Variants in EXOC6B observed in about 807,000 individuals in gnomAD.
EXOC6B encodes the protein SEC15 homolog B.
Under a neutral mutation model 113.5 loss-of-function variants are expected in EXOC6B, and 54 were observed. The ratio of observed to expected loss-of-function variants is 0.48; its 90% CI spans 0.38 to 0.60. EXOC6B has a LOEUF of 0.60. EXOC6B is among the 20% of genes least tolerant of loss of function. The probability of loss-of-function intolerance (pLI) is 0.00; values close to 1 mark genes in which losing one functional copy is unlikely to be tolerated. For missense variants in EXOC6B, 797 were observed against 977.5 expected, an observed-to-expected ratio of 0.82 and a Z score of 2.46; for synonymous variants, 357 against 339.0, an observed-to-expected ratio of 1.05 and a Z score of -0.58.
At chr2:72,614,070 T>C (rs1271581796) in intron 6 of EXOC6B, among the ~76,000 whole-genome samples, 1 of 152,178 alleles carries the variant, frequency 6.6e-6, no homozygotes, top group Non-Finnish European at 1.5e-5. Context: ...ATATGATCTG[T>C]AAAGTCTAAA....
intron 7 of EXOC6B, among the ~76,000 whole-genome samples, chr2:72,566,654 G>A (rs761037812): frequency 6.6e-5 from 10 of 152,012 alleles, no homozygotes; most frequent in Non-Finnish European, 8.8e-5. Context: ...AAATATATGA[G>A]TTCCATTTGC....
intron 18 of EXOC6B, among the ~76,000 whole-genome samples, chr2:72,416,654 C>T (rs1694544723): frequency 6.6e-6 from 1 of 152,108 alleles, no homozygotes; most frequent in Non-Finnish European, 1.5e-5. Flanking sequence ...GTTTACTGTT[C>T]TCTGAGGCTG....
chr2:72,223,953 G>T (rs992802085), intron 20 of EXOC6B, among the ~76,000 whole-genome samples: 3 of 152,086 alleles, frequency 2.0e-5, no homozygotes, highest in Non-Finnish European at 2.9e-5. Context: ...TATCACAATG[G>T]TCTTATGTTT....
intron 20 of EXOC6B, among the ~76,000 whole-genome samples, chr2:72,188,367 G>A (rs913113607): frequency 1.3e-5 from 2 of 152,216 alleles, no homozygotes; most frequent in Non-Finnish European, 1.5e-5. Context: ...TACAGTCATG[G>A]AAGCTACATA....
At chr2:72,300,133 C>G (rs1686416636) in intron 20 of EXOC6B, among the ~76,000 whole-genome samples, 1 of 152,192 alleles carries the variant, frequency 6.6e-6, no homozygotes, top group East Asian at 1.9e-4. Flanking sequence ...GGCGCCCCTT[C>G]TCCCAGGTGC....
At chr2:72,370,324 A>C (rs1329256389) in intron 19 of EXOC6B, among the ~76,000 whole-genome samples, 1 of 152,188 alleles carries the variant, frequency 6.6e-6, no homozygotes, top group African/African-American at 2.4e-5. Flanking sequence ...ACCATCTCAC[A>C]CCAGTTAGAA....
intron 1 of EXOC6B, among the ~76,000 whole-genome samples, chr2:72,769,913 T>C (rs895686935): frequency 1.3e-5 from 2 of 152,072 alleles, no homozygotes; most frequent in Non-Finnish European, 2.9e-5. Flanking sequence ...AACCAGCAAG[T>C]ATCAGACTTC....
chr2:72,315,741 C>A (rs190751202), intron 20 of EXOC6B, among the ~76,000 whole-genome samples: 12 of 152,018 alleles, frequency 7.9e-5, no homozygotes, highest in African/African-American at 2.9e-4. Flanking sequence ...AGTAGAATTG[C>A]CATTAATTGA....
chr2:72,457,674 T>C (rs1004708261), intron 18 of EXOC6B, among the ~76,000 whole-genome samples: 3 of 152,098 alleles, frequency 2.0e-5, no homozygotes, highest in Non-Finnish European at 4.4e-5. Flanking sequence ...TAACTGTGTA[T>C]GCAATTGTAA....
chr2:72,473,906 G>A (rs1698561380), intron 17 of EXOC6B, among the ~76,000 whole-genome samples: 1 of 152,072 alleles, frequency 6.6e-6, no homozygotes, highest in African/African-American at 2.4e-5. Context: ...CTATTTCCAA[G>A]TTTAGAATTC....
intron 6 of EXOC6B, among the ~76,000 whole-genome samples, chr2:72,618,999 T>C (rs1236952100): frequency 2.0e-5 from 3 of 152,152 alleles, no homozygotes; most frequent in Non-Finnish European, 1.5e-5. Context: ...AGTAAAATAG[T>C]GTTGCTAATG....
chr2:72,631,207 CATATGTGTAT>C (rs1558861659), intron 6 of EXOC6B, among the ~76,000 whole-genome samples: 20 of 146,456 alleles, frequency 1.4e-4, no homozygotes, highest in African/African-American at 4.0e-4. Context: ...TATATATATG[CATATGTGTAT>C]ATATGTGTGT....
At chr2:72,798,481 T>C (rs983451784) in intron 1 of EXOC6B, among the ~76,000 whole-genome samples, 4 of 152,130 alleles carry the variant, frequency 2.6e-5, no homozygotes, top group Admixed American at 6.5e-5. Flanking sequence ...AAAATAACTA[T>C]GTGGAGACTC....
At chr2:72,401,591 A>ATG (rs1558630984) in intron 18 of EXOC6B, among the ~76,000 whole-genome samples, 2 of 43,424 alleles carry the variant, frequency 4.6e-5, no homozygotes, top group Non-Finnish European at 7.0e-5. Context: ...ACATATATAT[A>ATG]TATATATATA....
chr2:72,460,497 A>C (rs370289661), intron 18 of EXOC6B, among the ~76,000 whole-genome samples: 3 of 152,086 alleles, frequency 2.0e-5, no homozygotes, highest in Non-Finnish European at 2.9e-5. Context: ...CAATGAACTC[A>C]AACAAATTTA....
At position 72,213,239 on chromosome 2, in the gene EXOC6B, G is replaced by A. The variant is rs57688709; in HGVS notation, c.2197-29052C>T. Among the ~76,000 whole-genome samples, 1,131 of 152,310 alleles carry A rather than the reference G, an allele frequency of 7.4e-3. 11 individuals carry two copies. Among genetic ancestry groups the A allele is most frequent in the African/African-American group, 0.026 (1,061 of 41,556 alleles). On this transcript the variant is annotated intron_variant, in intron 20 of 21. Coordinates refer to ENST00000272427, the MANE Select transcript of EXOC6B (RefSeq NM_015189.3). ...GGTATTTAAGCCCCAGCAACCATCC[G>A]ATTGCAACCTCATGAGAGATGCTAG...
chr2:72,803,916 T>C (rs1343293702), intron 1 of EXOC6B, among the ~76,000 whole-genome samples: 1 of 152,192 alleles, frequency 6.6e-6, no homozygotes, highest in Non-Finnish European at 1.5e-5. Context: ...AAAGAAACCA[T>C]ACTTAAGAAT....
At chr2:72,334,779 C>A (rs1325141107) in intron 20 of EXOC6B, among the ~76,000 whole-genome samples, 168 bp downstream of exon 20, 1 of 143,462 alleles carries the variant, frequency 7.0e-6, no homozygotes, top group East Asian at 2.3e-4. Context: ...AGCTAAGGAT[C>A]CCAGATAGCT....
intron 20 of EXOC6B, among the ~76,000 whole-genome samples, chr2:72,186,156 T>G (rs575692327): frequency 6.6e-6 from 1 of 152,224 alleles, no homozygotes; most frequent in African/African-American, 2.4e-5. Context: ...TGTTGGACAT[T>G]TGGGTTGGTT....
Sources: allele counts gnomAD v4.1 joint callset (sites outside exome capture counted in the v4.1 genomes callset), GRCh38; gene constraint gnomAD v4.1.1; transcripts MANE v1.5; gene names NCBI Gene and HGNC (gene_info 2026-07-23, HGNC 2026-07-21).